The following FOXP1 variants were observed in gnomAD, a reference collection of about 807,000 sequenced individuals.
The protein encoded by FOXP1 is forkhead box protein P1.
FOXP1 carries 15 observed loss-of-function variants against 98.2 expected under a neutral mutation model. That is an observed-to-expected ratio of 0.15 (90% confidence interval 0.10 to 0.24). FOXP1 has a LOEUF of 0.24. FOXP1 is among the 10% of genes least tolerant of loss of function. The pLI, the probability that FOXP1 is intolerant of heterozygous loss-of-function variation, is 1.00. For missense variants in FOXP1, 633 were observed against 848.5 expected (o/e 0.75, Z 3.15); for synonymous variants, 371 against 314.5 (o/e 1.18, Z -1.90).
At chr3:71,391,566 T>A (rs1015987720) in intron 3 of FOXP1, among the ~76,000 whole-genome samples, 5 of 152,218 alleles carry the variant, frequency 3.3e-5, no homozygotes, top group Non-Finnish European at 5.9e-5. Context: ...AATTCTCCAA[T>A]GCCAGGTTGC....
intron 3 of FOXP1, among the ~76,000 whole-genome samples, chr3:71,382,188 T>C (rs951654255): frequency 6.6e-6 from 1 of 151,884 alleles, no homozygotes; most frequent in African/African-American, 2.4e-5. Flanking sequence ...GGTGGGAGAA[T>C]TGCTTGAGCC....
intron 4 of FOXP1, chr3:71,333,467 G>A (rs1378317365): frequency 6.6e-6 from 1 of 152,172 alleles, no homozygotes; most frequent in Non-Finnish European, 1.5e-5. Context: ...TTACTTGTCT[G>A]TAACCTATTA....
intron 11 of FOXP1, among the ~76,000 whole-genome samples, chr3:71,036,762 G>A (rs1440146858): frequency 1.3e-5 from 2 of 152,042 alleles, no homozygotes; most frequent in Admixed American, 6.6e-5. Flanking sequence ...CACCTATCCC[G>A]CTTCATGAAA....
At chr3:70,990,578 C>T (rs959383102) in intron 13 of FOXP1, among the ~76,000 whole-genome samples, 1 of 152,016 alleles carries the variant, frequency 6.6e-6, no homozygotes, top group Non-Finnish European at 1.5e-5. Context: ...CCATGAAAAG[C>T]AAAGAAAAGG....
intron 3 of FOXP1, among the ~76,000 whole-genome samples, chr3:71,471,143 C>T (rs911299352): frequency 3.3e-5 from 5 of 152,128 alleles, no homozygotes; most frequent in Admixed American, 3.3e-4. Context: ...CTACTGTGTG[C>T]TAGATGGTTA....
intron 3 of FOXP1, among the ~76,000 whole-genome samples, chr3:71,480,981 A>G (rs770993776): frequency 6.6e-6 from 1 of 152,186 alleles, no homozygotes; most frequent in Admixed American, 6.5e-5. Context: ...GGCAGGCAAT[A>G]TCCTTCATTC....
intron 6 of FOXP1, among the ~76,000 whole-genome samples, chr3:71,169,491 G>A (rs1353527442): frequency 1.3e-5 from 2 of 152,068 alleles, no homozygotes; most frequent in Non-Finnish European, 2.9e-5. Context: ...TTACATTCTA[G>A]CCTCATGTTC....
chr3:71,021,164 A>G (rs1169352260), intron 11 of FOXP1, among the ~76,000 whole-genome samples: 5 of 152,142 alleles, frequency 3.3e-5, no homozygotes, highest in African/African-American at 9.7e-5. Flanking sequence ...TCATCCCTCA[A>G]AAGAAATCCT....
chr3:71,544,636 G>T (rs1291502008), intron 2 of FOXP1, among the ~76,000 whole-genome samples: 16 of 152,134 alleles, frequency 1.1e-4, no homozygotes, highest in Non-Finnish European at 2.9e-5. Context: ...TTTTATATGT[G>T]GGGTGGTCTT....
chr3:71,079,291 T>A (rs1240778937), intron 7 of FOXP1, among the ~76,000 whole-genome samples: 1 of 152,188 alleles, frequency 6.6e-6, no homozygotes, highest in African/African-American at 2.4e-5. Flanking sequence ...CTACTGGTGT[T>A]ACAATCATTC....
At chr3:71,495,125 G>A (rs2091318186) in intron 2 of FOXP1, among the ~76,000 whole-genome samples, 1 of 152,124 alleles carries the variant, frequency 6.6e-6, no homozygotes, top group Non-Finnish European at 1.5e-5. Flanking sequence ...TCCTCCTTTT[G>A]TTTCAAGCAA....
chr3:71,068,224 T>G (rs898724806), intron 7 of FOXP1, among the ~76,000 whole-genome samples: 1 of 152,190 alleles, frequency 6.6e-6, no homozygotes, highest in African/African-American at 2.4e-5. Context: ...GCTGTGCACT[T>G]AAGAACAGAT....
chr3:71,067,745 C>CACACAA (rs1180028592), intron 7 of FOXP1, among the ~76,000 whole-genome samples: 2 of 149,526 alleles, frequency 1.3e-5, no homozygotes, highest in African/African-American at 5.0e-5. Flanking sequence ...CACACACACA[C>CACACAA]ACACACACAC....
chr3:71,053,067 A>T (rs1423975595), intron 8 of FOXP1, among the ~76,000 whole-genome samples: 1 of 152,124 alleles, frequency 6.6e-6, no homozygotes, highest in African/African-American at 2.4e-5. Context: ...CCAACGCTGT[A>T]GTTCCGAATC....
intron 3 of FOXP1, among the ~76,000 whole-genome samples, chr3:71,476,579 C>A (rs986928566): frequency 4.6e-5 from 7 of 152,064 alleles, no homozygotes; most frequent in Non-Finnish European, 1.0e-4. Context: ...CAACCTCCAC[C>A]TCCCAGGTTC....
At chr3:71,236,156 T>G (rs938926692) in intron 5 of FOXP1, among the ~76,000 whole-genome samples, 1 of 152,208 alleles carries the variant, frequency 6.6e-6, no homozygotes, top group African/African-American at 2.4e-5. Context: ...TTTACTGGCA[T>G]CCAGGTCACA....
intron 6 of FOXP1, among the ~76,000 whole-genome samples, chr3:71,176,437 A>C (rs2061941792): frequency 6.6e-6 from 1 of 152,210 alleles, no homozygotes; most frequent in Non-Finnish European, 1.5e-5. Context: ...GACCAGTCAA[A>C]GGAGACAGCA....
At chr3:71,219,425 T>C (rs985950639) in intron 5 of FOXP1, among the ~76,000 whole-genome samples, 2 of 152,242 alleles carry the variant, frequency 1.3e-5, no homozygotes, top group African/African-American at 4.8e-5. Flanking sequence ...GTGATTTTCA[T>C]GAAAGTTTAT....
intron 3 of FOXP1, among the ~76,000 whole-genome samples, chr3:71,438,322 C>T (rs569478412): frequency 3.3e-5 from 5 of 152,226 alleles, no homozygotes; most frequent in South Asian, 2.1e-4. Flanking sequence ...CTACATCGGC[C>T]GGAAAGTACT....
Sources: gnomAD v4.1 joint callset for allele counts (sites outside exome capture counted in the v4.1 genomes callset) on GRCh38, gnomAD v4.1.1 for gene constraint, MANE v1.5 for transcripts, NCBI Gene and HGNC (gene_info 2026-07-23, HGNC 2026-07-21) for gene names.